The following GARNL3 variants were observed in gnomAD, a reference collection of about 807,000 sequenced individuals.
GARNL3 encodes the protein GTPase-activating Rap/Ran-GAP domain-like protein 3.
GARNL3 carries 63 observed loss-of-function variants against 125.0 expected under a neutral mutation model. The ratio of observed to expected loss-of-function variants is 0.50; its 90% CI spans 0.41 to 0.62. The LOEUF (loss-of-function observed/expected upper bound fraction) is 0.62, where lower values mean the gene tolerates loss of function less well. Among genes scored for constraint, GARNL3 ranks in the 20% least tolerant of loss-of-function variants. The pLI, the probability that GARNL3 is intolerant of heterozygous loss-of-function variation, is 0.00. For synonymous variants in GARNL3, 439 were observed against 457.5 expected, an observed-to-expected ratio of 0.96 and a Z score of 0.52; for missense variants, 994 against 1,244.0, an observed-to-expected ratio of 0.80 and a Z score of 3.02.
At chr9:127,276,747 A>G (rs1361972723) in intron 1 of GARNL3, among the ~76,000 whole-genome samples, 1 of 152,236 alleles carries the variant, frequency 6.6e-6, no homozygotes, top group Non-Finnish European at 1.5e-5. Flanking sequence ...GCCATGTCCC[A>G]GTCTCTTACC....
At chr9:127,368,477 C>T (rs893113828) in intron 22 of GARNL3, among the ~76,000 whole-genome samples, 2 of 151,414 alleles carry the variant, frequency 1.3e-5, no homozygotes, top group Admixed American at 6.6e-5. Flanking sequence ...ATTACAGGCA[C>T]GTGGCACCAC....
intron 20 of GARNL3, 92 bp from the exon 21 acceptor site, chr9:127,357,127 T>A: frequency 7.5e-7 from 1 of 1,327,124 alleles, no homozygotes. Flanking sequence ...GAGGGTGCCT[T>A]CTCTGTAAGG....
At chr9:127,340,560 C>T (rs992801793) in intron 13 of GARNL3, among the ~76,000 whole-genome samples, 1 of 151,480 alleles carries the variant, frequency 6.6e-6, no homozygotes, top group Admixed American at 6.6e-5. Context: ...CTGGCTGCCT[C>T]CTGTCCCCAC....
intron 2 of GARNL3, among the ~76,000 whole-genome samples, chr9:127,256,028 G>A (rs1263936540): frequency 6.6e-6 from 1 of 152,214 alleles, no homozygotes; most frequent in East Asian, 1.9e-4. Flanking sequence ...CAAAGAAGTA[G>A]ATCTGCAGGT....
chr9:127,276,628 C>T (rs2063964062), intron 1 of GARNL3, among the ~76,000 whole-genome samples: 1 of 152,214 alleles, frequency 6.6e-6, no homozygotes, highest in African/African-American at 2.4e-5. Flanking sequence ...AACTAAACTG[C>T]AATATGCCCC....
intron 10 of GARNL3, among the ~76,000 whole-genome samples, chr9:127,335,752 T>C (rs1458238689): frequency 6.6e-6 from 1 of 152,172 alleles, no homozygotes; most frequent in African/African-American, 2.4e-5. Context: ...GTGTGCCTTG[T>C]GTCTTGTCAA....
At position 127,344,247 on chromosome 9, in the gene GARNL3, A is replaced by G. The variant is rs1447750254; in HGVS notation, c.1264A>G (p.Arg422Gly). 4 of 1,609,358 alleles carry G rather than the reference A, an allele frequency of 2.5e-6. No homozygotes were observed. The Admixed American group carries it at 5.1e-5, about 20-fold the overall frequency. ...TTTTCTTTTTTAGAACATGCTTAAT[A>G]GACGATCTTTTAGTGATGTCTTACC... ...MPDLHKNMLN[R>G]RSFSDVLPES... The change falls in exon 15 of 28, where the codon AGA becomes GGA. Residue 422 changes from arginine to glycine, a missense_variant. By Grantham distance (125) the Arg-to-Gly change is moderately radical. Coordinates refer to ENST00000373387, the MANE Select transcript of GARNL3 (RefSeq NM_032293.5).
intron 21 of GARNL3, among the ~76,000 whole-genome samples, chr9:127,357,946 T>C (rs10987608): frequency 0.094 from 14,301 of 152,134 alleles, 2,016 homozygotes; most frequent in African/African-American, 0.3. Flanking sequence ...GGGTGGGTAC[T>C]GCACCCTCCC....
chr9:127,333,181 A>G (rs779516949), intron 9 of GARNL3, 60 bp downstream of exon 9: 311 of 1,368,826 alleles, frequency 2.3e-4, no homozygotes, highest in Non-Finnish European at 3.0e-4. Context: ...AGTCAGCCTG[A>G]CCCGTGTCTG....
intron 1 of GARNL3, among the ~76,000 whole-genome samples, chr9:127,227,326 C>G (rs1476819001): frequency 6.6e-6 from 1 of 152,136 alleles, no homozygotes; most frequent in Non-Finnish European, 1.5e-5. Context: ...GTGGGCCAGG[C>G]GCAGTGGCTC....
chr9:127,383,446 A>G lies in GARNL3; in HGVS notation c.2170A>G (p.Ile724Val). 1 of 1,604,380 alleles carries G rather than the reference A, an allele frequency of 6.2e-7. No individual in the cohort carries two copies. Among genetic ancestry groups the G allele is most frequent in the Non-Finnish European group, 8.5e-7 (1 of 1,174,554 alleles). ...GLLLCYNYSC[I>V]YKKVCPFNGG... ...TGTTGTTTTCATTGCAGACAGTTGC[A>G]TCTATAAAAAGGTTTGCCCCTTTAA... Residue 724 changes from isoleucine (I) to valine (V), a missense_variant, in exon 23 of 28, where the codon ATC (isoleucine) becomes GTC (valine). Physicochemically the swap from Ile to Val is conservative, Grantham distance 29. This residue lies in a region of GARNL3 where 728 missense variants were observed against 865.7 expected (regional missense o/e 0.84). Transcript: ENST00000373387.
chr9:127,364,943 A>G lies in GARNL3; in HGVS notation c.2095-357A>G. 2 of 234,094 alleles carry G rather than the reference A, an allele frequency of 8.5e-6. No homozygotes were observed. The highest frequency in any genetic ancestry group is 1.7e-5 in the Non-Finnish European group (2 of 120,386). 14.5% of individuals were successfully genotyped at this position (234,094 alleles called of 1,614,324 possible). ...AATAATATTAGGTTGATGCAAAAGT[A>G]ATTGCAGTTTTTGCCATTGGAAATA... On this transcript the variant is annotated intron_variant, in intron 21 of 27. Coordinates refer to ENST00000373387, the MANE Select transcript of GARNL3 (RefSeq NM_032293.5). This position sits in a 1 kb window ranked among gnomAD's most constrained non-coding sequence, Gnocchi z 4.2.
chr9:127,381,628 G>A (rs1163860756), intron 22 of GARNL3, among the ~76,000 whole-genome samples: 3 of 151,774 alleles, frequency 2.0e-5, no homozygotes, highest in Non-Finnish European at 2.9e-5. Flanking sequence ...ATGGAGTCTC[G>A]CTGTGTCACC....
At chr9:127,236,247 A>C (rs1184309794) in intron 1 of GARNL3, among the ~76,000 whole-genome samples, 1 of 152,242 alleles carries the variant, frequency 6.6e-6, no homozygotes, top group African/African-American at 2.4e-5. Flanking sequence ...GCAGTAAAAA[A>C]TGTTATTATC....
At chr9:127,387,098 G>A (rs1832579967) in intron 24 of GARNL3, 95 bp from the exon 25 acceptor site, 1 of 1,296,924 alleles carries the variant, frequency 7.7e-7, no homozygotes, top group East Asian at 2.3e-5. Flanking sequence ...CAAGGATGGG[G>A]ACCAGTTGGA....
At chr9:127,246,429 G>A (rs1266053512) in intron 2 of GARNL3, among the ~76,000 whole-genome samples, 4 of 152,166 alleles carry the variant, frequency 2.6e-5, no homozygotes, top group Non-Finnish European at 4.4e-5. Context: ...AGGGAGCTGA[G>A]TAGTTGGTGT....
At chr9:127,339,071 GC>G (rs1458833783) in intron 12 of GARNL3, among the ~76,000 whole-genome samples, 5 of 152,316 alleles carry the variant, frequency 3.3e-5, no homozygotes, top group Admixed American at 3.3e-4. Flanking sequence ...GCTGAGGCGG[GC>G]GGATCACGAG....
chr9:127,299,761 G>A (rs572515881), intron 2 of GARNL3, among the ~76,000 whole-genome samples: 6 of 152,200 alleles, frequency 3.9e-5, no homozygotes, highest in East Asian at 1.9e-4. Context: ...AGTAGAGACC[G>A]GTTTCACCAT....
intron 2 of GARNL3, among the ~76,000 whole-genome samples, chr9:127,308,921 G>A (rs1477491007): frequency 6.6e-6 from 1 of 152,192 alleles, no homozygotes; most frequent in Non-Finnish European, 1.5e-5. Context: ...AAATGAGCCA[G>A]TGGGGTAAAA....
Sources: gnomAD v4.1 joint callset for allele counts (sites outside exome capture counted in the v4.1 genomes callset) on GRCh38, gnomAD v4.1.1 for gene constraint, gnomAD v4.1.1 regional missense constraint, Gnocchi (gnomAD v3.1) non-coding constraint, MANE v1.5 for transcripts, NCBI Gene and HGNC (gene_info 2026-07-23, HGNC 2026-07-21) for gene names.